DUSP22: variants seen among roughly 807,000 people sequenced by gnomAD.
DUSP22 encodes the protein dual specificity phosphatase 22, also known as dual specificity protein phosphatase 22.
Under a neutral mutation model 24.5 loss-of-function variants are expected in DUSP22, and 24 were observed. The observed-to-expected ratio is 0.98, with a 90% CI of 0.71 to 1.38. The LOEUF (loss-of-function observed/expected upper bound fraction) is 1.38. DUSP22 is among the 40% of genes most tolerant of loss of function. DUSP22 has a pLI of 0.00. For synonymous variants in DUSP22, 160 were observed against 106.4 expected, an observed-to-expected ratio of 1.50 and a Z score of -3.10; for missense variants, 330 against 269.2, an observed-to-expected ratio of 1.23 and a Z score of -1.58.
At chr6:325,622 G>A in intron 3 of DUSP22, 1 of 217,000 alleles carries the variant, frequency 4.6e-6, no homozygotes, top group Non-Finnish European at 8.9e-6. Flanking sequence ...GTATCTGCTG[G>A]TGCCTGGAGT....
At chr6:335,584 A>G (rs1759325509) in intron 4 of DUSP22, among the ~76,000 whole-genome samples, 1 of 152,302 alleles carries the variant, frequency 6.6e-6, no homozygotes, top group Admixed American at 6.5e-5. Flanking sequence ...TTTAAACAGC[A>G]AACAGAAACA....
At chr6:325,640 C>T (rs1238723361) in intron 3 of DUSP22, 1 of 218,180 alleles carries the variant, frequency 4.6e-6, no homozygotes, top group Non-Finnish European at 8.6e-6. Context: ...AGTCATCTGC[C>T]CTGGGCTTCT....
At chr6:303,497 G>T (rs1327152684) in intron 1 of DUSP22, among the ~76,000 whole-genome samples, 1 of 152,296 alleles carries the variant, frequency 6.6e-6, no homozygotes, top group Admixed American at 6.5e-5. Context: ...GATGCTTGAA[G>T]AAATCAGCTA....
chr6:292,660 TC>T, intron 1 of DUSP22, 100 bp downstream of exon 1: 1 of 1,471,870 alleles, frequency 6.8e-7, no homozygotes, highest in South Asian at 1.3e-5. Context: ...GGGTGCCCTT[TC>T]CCGCGGTGGG....
In DUSP22 at chr6:350,591, C is replaced by T; in HGVS notation, c.*1640C>T. ...CAGGTGCACAGGCCCCGGATGTACA[C>T]CCGGAAAGGGGAGTGTGGCTGTAGA... On this transcript the variant is annotated 3_prime_UTR_variant, in exon 7 of 7. Transcript: ENST00000419235. The T allele has an allele frequency of 7.0e-7, 1 of 1,425,350 alleles. No homozygotes were observed. The highest frequency in any genetic ancestry group is 1.5e-5 in the South Asian group (1 of 66,272). The allele number at this position is 1,425,350 out of a possible 1,614,324, so 88.3% of individuals were successfully genotyped here.
At chr6:296,014 T>G (rs1251551601) in intron 1 of DUSP22, among the ~76,000 whole-genome samples, 1 of 141,210 alleles carries the variant, frequency 7.1e-6, no homozygotes, top group African/African-American at 2.5e-5. Flanking sequence ...GAAAAGTCTT[T>G]CCTTTGAGCT....
chr6:295,722 C>G (rs1757294031), intron 1 of DUSP22, among the ~76,000 whole-genome samples: 1 of 151,838 alleles, frequency 6.6e-6, no homozygotes, highest in African/African-American at 2.4e-5. Context: ...ATCACCTCAG[C>G]CCGGGAAGTC....
chr6:303,239 C>T (rs1757665550), intron 1 of DUSP22, among the ~76,000 whole-genome samples: 1 of 152,304 alleles, frequency 6.6e-6, no homozygotes, highest in African/African-American at 2.4e-5. Flanking sequence ...TTGCATTGTT[C>T]CCGTCTTTCA....
intron 1 of DUSP22, among the ~76,000 whole-genome samples, chr6:293,996 G>A (rs1001870043): frequency 1.3e-5 from 2 of 152,392 alleles, no homozygotes; most frequent in South Asian, 2.1e-4. Context: ...ATTGGTGGTG[G>A]TATCTCAGCT....
intron 1 of DUSP22, among the ~76,000 whole-genome samples, chr6:300,797 G>A (rs572904436): frequency 6.6e-6 from 1 of 152,422 alleles, no homozygotes; most frequent in African/African-American, 2.4e-5. Context: ...AGGGTCCTTG[G>A]CTGTAAGCAA....
At chr6:294,583 T>A (rs1348636609) in intron 1 of DUSP22, among the ~76,000 whole-genome samples, 1 of 152,300 alleles carries the variant, frequency 6.6e-6, no homozygotes, top group Non-Finnish European at 1.5e-5. Context: ...ATAAAGTTAT[T>A]CATGGAAGAT....
At chr6:319,902 G>C (rs1758514183) in intron 3 of DUSP22, 1 of 152,374 alleles carries the variant, frequency 6.6e-6, no homozygotes, top group South Asian at 2.1e-4. Flanking sequence ...GATTTAAATA[G>C]ATATGACTCA....
intron 2 of DUSP22, among the ~76,000 whole-genome samples, chr6:311,553 G>A (rs112644335): frequency 1.5e-3 from 229 of 152,308 alleles, no homozygotes; most frequent in Middle Eastern, 3.4e-3. Context: ...GGTGGCGGGC[G>A]CCTGTAGTCC....
chr6:319,103 G>T (rs558276113), intron 3 of DUSP22, among the ~76,000 whole-genome samples: 51 of 152,366 alleles, frequency 3.3e-4, no homozygotes, highest in Non-Finnish European at 5.1e-4. Context: ...GGGAGGGGAG[G>T]GAGGGAAGGA....
At chr6:329,061 A>G (rs918331690) in intron 3 of DUSP22, among the ~76,000 whole-genome samples, 39 of 152,294 alleles carry the variant, frequency 2.6e-4, no homozygotes, top group African/African-American at 9.4e-4. Flanking sequence ...GGGCTGCCAC[A>G]CACGTAAATG....
At chr6:320,469 C>T (rs112077840) in intron 3 of DUSP22, 2,734 of 152,142 alleles carry the variant, frequency 0.018, 3 homozygotes, top group Non-Finnish European at 0.027. Context: ...GATATCGAAA[C>T]CAAGGTCTTG....
intron 4 of DUSP22, among the ~76,000 whole-genome samples, chr6:336,054 T>A (rs1392167042): frequency 6.6e-6 from 1 of 152,306 alleles, no homozygotes; most frequent in East Asian, 1.9e-4. Context: ...GCTACAGCTT[T>A]AGCAGTCCGT....
intron 5 of DUSP22, among the ~76,000 whole-genome samples, chr6:346,491 C>T (rs575323350): frequency 8.5e-5 from 13 of 152,408 alleles, no homozygotes; most frequent in Non-Finnish European, 5.9e-5. Context: ...ACGCTTAACC[C>T]GAGGATGATG....
In DUSP22 at chr6:317,290, G is replaced by A. The variant is rs985118508; in HGVS notation, c.138+5328G>A. Reference sequence around the variant, plus strand: ...GGGCCTGAGGCCGAGGTCTCCTGGAGGGACCCTGGTTTCCTGCCACGTGTT... The same window carrying A: ...GGGCCTGAGGCCGAGGTCTCCTGGAAGGACCCTGGTTTCCTGCCACGTGTT... On this transcript the variant is annotated intron_variant, in intron 3 of 6. Coordinates refer to ENST00000419235, the MANE Select transcript of DUSP22 (RefSeq NM_001286555.3). Among the ~76,000 whole-genome samples the A allele has an allele frequency of 2.0e-5, 3 of 152,424 alleles. No individual in the cohort carries two copies. The East Asian group carries it at 5.8e-4, about 29-fold the overall frequency.
Sources: gnomAD v4.1 joint callset for allele counts (sites outside exome capture counted in the v4.1 genomes callset) on GRCh38, gnomAD v4.1.1 for gene constraint, MANE v1.5 for transcripts, NCBI Gene and HGNC (gene_info 2026-07-23, HGNC 2026-07-21) for gene names.